The following CTNNA3 variants were observed in gnomAD, a reference collection of about 807,000 sequenced individuals.
CTNNA3 encodes the protein catenin alpha-3.
CTNNA3 carries 76 observed loss-of-function variants against 95.7 expected under a neutral mutation model. The ratio of observed to expected loss-of-function variants is 0.79; its 90% confidence interval spans 0.66 to 0.96. The LOEUF (loss-of-function observed/expected upper bound fraction) is 0.96. Among genes scored for constraint, CTNNA3 ranks in the 40% least tolerant of loss-of-function variants. The pLI, the probability that CTNNA3 is intolerant of heterozygous loss-of-function variation, is 0.00. For missense variants in CTNNA3, 1,191 were observed against 1,089.8 expected, an observed-to-expected ratio of 1.09 and a Z score of -1.31; for synonymous variants, 431 against 374.4, an observed-to-expected ratio of 1.15 and a Z score of -1.74.
chr10:67,051,571 T>G (rs1319037732), intron 7 of CTNNA3, among the ~76,000 whole-genome samples: 2 of 151,650 alleles, frequency 1.3e-5, no homozygotes, highest in East Asian at 3.9e-4. Flanking sequence ...GCGATTCTCC[T>G]GCCTCAATCA....
chr10:67,403,665 G>A (rs936867177), intron 5 of CTNNA3, among the ~76,000 whole-genome samples: 1 of 152,078 alleles, frequency 6.6e-6, no homozygotes, highest in African/African-American at 2.4e-5. Context: ...AAACTATATG[G>A]GGGTGAAGGG....
intron 5 of CTNNA3, among the ~76,000 whole-genome samples, chr10:67,221,153 GT>G (rs1864633011): frequency 6.6e-6 from 1 of 152,108 alleles, no homozygotes; most frequent in Non-Finnish European, 1.5e-5. Flanking sequence ...ATTATTAATA[GT>G]TAATAGCAAT....
chr10:67,130,909 G>C (rs1215877990), intron 7 of CTNNA3, among the ~76,000 whole-genome samples: 1 of 151,962 alleles, frequency 6.6e-6, no homozygotes, highest in Non-Finnish European at 1.5e-5. Context: ...TGGCATTTTG[G>C]ACAGGCATCA....
At chr10:67,398,749 G>A (rs556141435) in intron 5 of CTNNA3, among the ~76,000 whole-genome samples, 1 of 152,192 alleles carries the variant, frequency 6.6e-6, no homozygotes, top group African/African-American at 2.4e-5. Flanking sequence ...TCATCTGGGT[G>A]GTTACCTCTA....
At chr10:66,650,311 TTAAG>T (rs1476088583) in intron 9 of CTNNA3, among the ~76,000 whole-genome samples, 30 of 152,156 alleles carry the variant, frequency 2.0e-4, no homozygotes, top group African/African-American at 7.2e-4. Flanking sequence ...TGTAATCATA[TTAAG>T]TATTTTTTCT....
At chr10:67,498,774 G>A (rs10997671) in intron 5 of CTNNA3, among the ~76,000 whole-genome samples, 22,105 of 151,974 alleles carry the variant, frequency 0.15, 2,403 homozygotes, top group East Asian at 0.35. Context: ...TGATTTTTGC[G>A]CATTGATTTT....
chr10:67,378,493 G>A (rs1046778284), intron 5 of CTNNA3, among the ~76,000 whole-genome samples: 11 of 151,878 alleles, frequency 7.2e-5, no homozygotes, highest in African/African-American at 2.7e-4. Flanking sequence ...TCTGTTTCAG[G>A]GTCCAATCAA....
intron 9 of CTNNA3, among the ~76,000 whole-genome samples, chr10:66,702,431 G>T (rs1215487180): frequency 6.6e-6 from 1 of 152,014 alleles, no homozygotes; most frequent in Non-Finnish European, 1.5e-5. Context: ...ATTAACAATG[G>T]TTTTTGTCTT....
intron 13 of CTNNA3, among the ~76,000 whole-genome samples, chr10:66,239,752 A>T (rs540498195): frequency 1.3e-5 from 2 of 151,786 alleles, no homozygotes; most frequent in Non-Finnish European, 2.9e-5. Context: ...AACTATGCGC[A>T]TTGTTTGGGA....
intron 15 of CTNNA3, among the ~76,000 whole-genome samples, chr10:65,998,241 C>T (rs2078704249): frequency 1.3e-5 from 2 of 152,124 alleles, no homozygotes; most frequent in Admixed American, 6.6e-5. Context: ...GAGAAAAATG[C>T]ATACTGTTTT....
chr10:66,444,607 T>C (rs1206551944), intron 11 of CTNNA3, among the ~76,000 whole-genome samples: 1 of 152,020 alleles, frequency 6.6e-6, no homozygotes, highest in African/African-American at 2.4e-5. Context: ...TAAAATACTT[T>C]ACAGACAAGC....
chr10:67,272,748 A>G (rs1839036523), intron 5 of CTNNA3, among the ~76,000 whole-genome samples: 1 of 152,130 alleles, frequency 6.6e-6, no homozygotes, highest in Admixed American at 6.6e-5. Context: ...TTACTTGTTA[A>G]AGTTCCTGGC....
At chr10:65,977,656 C>T (rs1267296335) in intron 16 of CTNNA3, among the ~76,000 whole-genome samples, 1 of 151,978 alleles carries the variant, frequency 6.6e-6, no homozygotes, top group African/African-American at 2.4e-5. Flanking sequence ...GTGACTCGTA[C>T]CTATAGTCCC....
chr10:67,494,625 T>C (rs1453404333), intron 5 of CTNNA3, among the ~76,000 whole-genome samples: 1 of 152,222 alleles, frequency 6.6e-6, no homozygotes, highest in African/African-American at 2.4e-5. Context: ...ATTTACTATT[T>C]GTGTGTTCTA....
chr10:66,940,806 T>A (rs1423085896), intron 7 of CTNNA3, among the ~76,000 whole-genome samples: 1 of 152,126 alleles, frequency 6.6e-6, no homozygotes, highest in African/African-American at 2.4e-5. Context: ...ACTTATCTGA[T>A]CTTCAGTTTG....
chr10:66,607,452 C>A (rs1471942129), intron 10 of CTNNA3, among the ~76,000 whole-genome samples: 3 of 92,160 alleles, frequency 3.3e-5, no homozygotes, highest in Non-Finnish European at 5.9e-5. Flanking sequence ...ATCCTGAAAC[C>A]AAAACCAGGC....
At chr10:65,954,585 A>T (rs1031736500) in intron 17 of CTNNA3, among the ~76,000 whole-genome samples, 5 of 152,226 alleles carry the variant, frequency 3.3e-5, no homozygotes, top group Non-Finnish European at 7.3e-5. Flanking sequence ...GAAGGGATCC[A>T]GTTTCAGCTT....
At chr10:67,274,577 T>C (rs991440875) in intron 5 of CTNNA3, among the ~76,000 whole-genome samples, 1 of 152,072 alleles carries the variant, frequency 6.6e-6, no homozygotes, top group Non-Finnish European at 1.5e-5. Flanking sequence ...CCTGTAATCA[T>C]AGCACTTTAG....
intron 5 of CTNNA3, among the ~76,000 whole-genome samples, chr10:67,418,405 G>T (rs1328410936): frequency 6.6e-6 from 1 of 151,646 alleles, no homozygotes; most frequent in Non-Finnish European, 1.5e-5. Flanking sequence ...TGTTTATTGT[G>T]GCCTTATTCA....
Sources: allele counts gnomAD v4.1 joint callset (sites outside exome capture counted in the v4.1 genomes callset), GRCh38; gene constraint gnomAD v4.1.1; transcripts MANE v1.5; gene names NCBI Gene and HGNC (gene_info 2026-07-23, HGNC 2026-07-21).